Variants in GLCCI1 observed in about 807,000 individuals in gnomAD.
GLCCI1 encodes glucocorticoid induced 1, also known as glucocorticoid-induced transcript 1 protein.
In GLCCI1, 24 loss-of-function variants were observed where a neutral mutation model predicts 52.2. The observed-to-expected ratio is 0.46, with a 90% confidence interval of 0.33 to 0.65. The LOEUF is 0.65. GLCCI1 is among the 30% of genes least tolerant of loss of function. GLCCI1 has a pLI of 0.02. For synonymous variants in GLCCI1, 310 were observed against 276.5 expected, an observed-to-expected ratio of 1.12 and a Z score of -1.20; for missense variants, 704 against 701.5, an observed-to-expected ratio of 1.00 and a Z score of -0.04.
intron 1 of GLCCI1, among the ~76,000 whole-genome samples, chr7:7,979,185 CA>C (rs1166961345): frequency 2.0e-5 from 3 of 152,042 alleles, no homozygotes; most frequent in African/African-American, 7.2e-5. Flanking sequence ...AAAAAAGCTA[CA>C]GTATTCTGCA....
intron 3 of GLCCI1, among the ~76,000 whole-genome samples, chr7:8,036,235 C>G (rs1781866028): frequency 6.6e-6 from 1 of 152,200 alleles, no homozygotes; most frequent in African/African-American, 2.4e-5. Context: ...AGTTTGTTCA[C>G]ATGCCCAGTA....
At chr7:8,056,143 C>T in intron 4 of GLCCI1, among the ~76,000 whole-genome samples, 1 of 151,878 alleles carries the variant, frequency 6.6e-6, no homozygotes, top group East Asian at 1.9e-4. Flanking sequence ...ACTAAAAATA[C>T]AAAAAAATTA....
chr7:8,085,081 T>C lies in GLCCI1; in HGVS notation c.1298+64T>C, dbSNP rs540636048. On this transcript the variant is annotated intron_variant, in intron 7 of 7. Transcript: ENST00000223145. ...CTGTAAAGCTTTTTACTGAGACCAG[T>C]TGATTACATATGAATCAACTACTCT... is the stretch of plus-strand genomic sequence containing the variant. 1.1e-5 allele frequency: 18 copies of C among 1,580,142 alleles called. 1 individual carries two copies. In the South Asian group the frequency reaches 1.4e-4, roughly 12 times the overall value.
At chr7:7,975,846 A>T (rs560509923) in intron 1 of GLCCI1, among the ~76,000 whole-genome samples, 1 of 152,362 alleles carries the variant, frequency 6.6e-6, no homozygotes, top group Admixed American at 6.5e-5. Flanking sequence ...AGATAGGAAC[A>T]TGATTGTATC....
intron 1 of GLCCI1, chr7:7,970,449 A>G (rs1467180602): frequency 1.6e-5 from 2 of 128,700 alleles, no homozygotes; most frequent in Non-Finnish European, 3.1e-5. Flanking sequence ...TTATATATTC[A>G]TGCATCAGAG....
At chr7:8,080,133 A>C (rs1782965703) in intron 6 of GLCCI1, among the ~76,000 whole-genome samples, 1 of 151,650 alleles carries the variant, frequency 6.6e-6, no homozygotes, top group Non-Finnish European at 1.5e-5. Flanking sequence ...CATTGCCAAG[A>C]AATGATACAC....
At chr7:7,973,366 AG>A (rs1336476622) in intron 1 of GLCCI1, among the ~76,000 whole-genome samples, 2 of 151,798 alleles carry the variant, frequency 1.3e-5, no homozygotes, top group Non-Finnish European at 2.9e-5. Context: ...GAACAAATAC[AG>A]TTTTACTGTC....
rs2127970782 is a variant in GLCCI1, at chr7:8,086,801, G to T, written c.*263G>T. On this transcript the variant is annotated 3_prime_UTR_variant, in exon 8 of 8. Transcript: ENST00000223145. The surrounding 1 kb of genome is among the most constrained non-coding windows in gnomAD (Gnocchi z 4.4). Reference sequence around the variant, plus strand: ...ATTTCATAGTATATTTGACAGATTAGTACTGTGTCCTGTGTTTTGTTCCAG... The same window carrying T: ...ATTTCATAGTATATTTGACAGATTATTACTGTGTCCTGTGTTTTGTTCCAG... The T allele has an allele frequency of 2.5e-6, 1 of 396,076 alleles. No homozygotes were observed. Among genetic ancestry groups the T allele is most frequent in the Non-Finnish European group, 4.5e-6 (1 of 222,372 alleles). 24.5% of individuals were successfully genotyped at this position (396,076 alleles called of 1,614,324 possible). A position where few individuals can be genotyped will look rare whatever the true frequency, so the allele number is the denominator to read the frequency against.
At chr7:7,970,779 G>A (rs760729186) in intron 1 of GLCCI1, among the ~76,000 whole-genome samples, 4 of 152,198 alleles carry the variant, frequency 2.6e-5, no homozygotes, top group Non-Finnish European at 4.4e-5. Flanking sequence ...AAGCTCATAA[G>A]GGAGAGTGGA....
intron 4 of GLCCI1, among the ~76,000 whole-genome samples, chr7:8,057,869 G>T (rs1166464391): frequency 1.3e-5 from 2 of 151,982 alleles, no homozygotes; most frequent in African/African-American, 4.8e-5. Context: ...TTACCATGTG[G>T]TTATTCTTAA....
chr7:7,983,524 T>C lies in GLCCI1; in HGVS notation c.457+13717T>C, dbSNP rs201946708. Among the ~76,000 whole-genome samples, 3 of 152,328 alleles carry C rather than the reference T, an allele frequency of 2.0e-5. No homozygotes were observed. The East Asian group carries it at 5.8e-4, about 29-fold the overall frequency. On this transcript the variant is annotated intron_variant, in intron 1 of 7. Transcript: ENST00000223145. ...AGGTAATTTTGGTGGATATCTGTGC[T>C]TCACCAAATAATAGCATGTCATTTT...
At chr7:8,011,558 A>C (rs1781261678) in intron 2 of GLCCI1, among the ~76,000 whole-genome samples, 1 of 152,104 alleles carries the variant, frequency 6.6e-6, no homozygotes, top group Non-Finnish European at 1.5e-5. Context: ...GTGGACATTT[A>C]GGTTGTTTCT....
intron 5 of GLCCI1, among the ~76,000 whole-genome samples, chr7:8,061,473 T>A (rs1782513993): frequency 6.6e-6 from 1 of 152,110 alleles, no homozygotes; most frequent in Admixed American, 6.5e-5. Context: ...AAATTGGCAG[T>A]GAAATTGCTA....
intron 6 of GLCCI1, among the ~76,000 whole-genome samples, chr7:8,081,009 C>T (rs1373098218): frequency 6.6e-6 from 1 of 151,996 alleles, no homozygotes; most frequent in East Asian, 1.9e-4. Context: ...TTTTTCACAG[C>T]TATCATGTCA....
chr7:7,980,918 C>G, intron 1 of GLCCI1: 1 of 604,244 alleles, frequency 1.7e-6, no homozygotes, highest in Admixed American at 2.4e-5. Flanking sequence ...TTATTAATCC[C>G]TGATCAATCA....
At chr7:7,974,532 C>T (rs898059318) in intron 1 of GLCCI1, among the ~76,000 whole-genome samples, 2 of 152,028 alleles carry the variant, frequency 1.3e-5, no homozygotes, top group African/African-American at 4.8e-5. Context: ...TAATGGCGTC[C>T]TTGTGATTTT....
At chr7:8,005,116 A>G (rs993235566) in intron 2 of GLCCI1, among the ~76,000 whole-genome samples, 7 of 152,328 alleles carry the variant, frequency 4.6e-5, no homozygotes, top group African/African-American at 1.7e-4. Context: ...GGAATTTCCA[A>G]ATAGAAATAA....
At chr7:8,060,285 C>A in intron 5 of GLCCI1, 37 bp downstream of exon 5, 1 of 1,536,142 alleles carries the variant, frequency 6.5e-7, no homozygotes, top group Non-Finnish European at 9.0e-7. Context: ...CTTTTTTTCT[C>A]TGATATAACG....
intron 6 of GLCCI1, among the ~76,000 whole-genome samples, chr7:8,073,516 A>G (rs1203325435): frequency 1.3e-5 from 2 of 152,080 alleles, no homozygotes; most frequent in Non-Finnish European, 2.9e-5. Context: ...TGTTTTTTTA[A>G]TATGTAAAAT....
Sources: gnomAD v4.1 joint callset for allele counts (sites outside exome capture counted in the v4.1 genomes callset) on GRCh38, gnomAD v4.1.1 for gene constraint, Gnocchi (gnomAD v3.1) non-coding constraint, MANE v1.5 for transcripts, NCBI Gene and HGNC (gene_info 2026-07-23, HGNC 2026-07-21) for gene names.